COL21A1: variants seen among roughly 807,000 people sequenced by gnomAD.
The protein encoded by COL21A1 is collagen alpha-1(XXI) chain.
COL21A1 carries 149 observed loss-of-function variants against 137.9 expected under a neutral mutation model. The ratio of observed to expected loss-of-function variants is 1.08; its 90% confidence interval spans 0.95 to 1.24. The LOEUF (loss-of-function observed/expected upper bound fraction) is 1.24. COL21A1 is among the 50% of genes most tolerant of loss of function. The pLI is 0.00. For synonymous variants in COL21A1, 456 were observed against 391.5 expected, an observed-to-expected ratio of 1.16 and a Z score of -1.95; for missense variants, 1,167 against 1,158.4, an observed-to-expected ratio of 1.01 and a Z score of -0.11.
At chr6:56,184,889 T>G (rs1205546390) in intron 1 of COL21A1, among the ~76,000 whole-genome samples, 1 of 152,222 alleles carries the variant, frequency 6.6e-6, no homozygotes, top group Non-Finnish European at 1.5e-5. Flanking sequence ...CCACTTATCA[T>G]CTTTCTATTA....
intron 16 of COL21A1, among the ~76,000 whole-genome samples, chr6:56,113,823 G>C (rs1771661109): frequency 1.3e-5 from 2 of 152,124 alleles, no homozygotes; most frequent in African/African-American, 4.8e-5. Context: ...TGGGCCACAG[G>C]GGATCCCACT....
At chr6:56,124,177 G>C (rs1772809871) in intron 15 of COL21A1, 62 bp from the exon 16 acceptor site, 1 of 1,536,336 alleles carries the variant, frequency 6.5e-7, no homozygotes, top group Admixed American at 2.0e-5. Flanking sequence ...TTTAAAGACA[G>C]ATACTATAAG....
At chr6:56,262,997 A>G (rs1763314792) in intron 1 of COL21A1, among the ~76,000 whole-genome samples, 2 of 152,228 alleles carry the variant, frequency 1.3e-5, no homozygotes. Context: ...ATTAAAATAT[A>G]TAATCTTGAA....
In COL21A1 at chr6:56,124,073, G is replaced by A. The variant is rs202115077; in HGVS notation, c.1747C>T (p.Pro583Ser). 5.3e-6 allele frequency: 8 copies of A among 1,517,070 alleles called. No individual in the cohort carries two copies. In the African/African-American group the frequency reaches 8.6e-5, roughly 16 times the overall value. The allele number at this position is 1,517,070 out of a possible 1,614,324, so 94.0% of individuals were successfully genotyped here. A position where few individuals can be genotyped will look rare whatever the true frequency, so the allele number is the denominator to read the frequency against. Residue 583 changes from proline (P) to serine (S), a missense_variant, in exon 16 of 30, where the codon CCC (proline) becomes TCC (serine). Physicochemically the swap from Pro to Ser is moderately conservative, Grantham distance 74. Coordinates refer to ENST00000244728, the MANE Select transcript of COL21A1 (RefSeq NM_030820.4). ...TTTTTTATAAATACCTTGAAACCGG[G>A]ACTACCCATTAATCCATCCTTTCCA... is the stretch of plus-strand genomic sequence containing the variant. ...RHGKDGLMGS[P>S]GFKGEAGSPG... is the part of the protein sequence containing the mutation.
intron 1 of COL21A1, among the ~76,000 whole-genome samples, chr6:56,333,821 G>A (rs1582789344): frequency 1.3e-5 from 2 of 152,104 alleles, no homozygotes; most frequent in Non-Finnish European, 2.9e-5. Flanking sequence ...TAGATGAGTG[G>A]TGGTATCTAC....
chr6:56,118,438 A>C (rs1201333447), intron 16 of COL21A1, among the ~76,000 whole-genome samples: 1 of 152,080 alleles, frequency 6.6e-6, no homozygotes, highest in Non-Finnish European at 1.5e-5. Flanking sequence ...AAACTGTCAT[A>C]AAAAGTCTTC....
intron 1 of COL21A1, among the ~76,000 whole-genome samples, chr6:56,329,894 AG>A (rs1302925359): frequency 1.3e-5 from 2 of 152,148 alleles, no homozygotes; most frequent in South Asian, 4.1e-4. Context: ...CATAACCACA[AG>A]GTTAATTTTC....
intron 1 of COL21A1, among the ~76,000 whole-genome samples, chr6:56,218,350 T>C (rs1230033954): frequency 6.6e-6 from 1 of 151,840 alleles, no homozygotes; most frequent in Non-Finnish European, 1.5e-5. Context: ...GTTAGCCATA[T>C]CATTGTTTTG....
chr6:56,327,603 C>A (rs1422502898), intron 1 of COL21A1, among the ~76,000 whole-genome samples: 1 of 151,922 alleles, frequency 6.6e-6, no homozygotes, highest in Non-Finnish European at 1.5e-5. Flanking sequence ...GGTAGAGGAG[C>A]CCAAGGCAAG....
chr6:56,087,776 C>T (rs986932658), intron 17 of COL21A1, among the ~76,000 whole-genome samples: 1 of 152,180 alleles, frequency 6.6e-6, no homozygotes, highest in African/African-American at 2.4e-5. Flanking sequence ...TAATAAATGT[C>T]CTTTGTGGCA....
rs533591927 is a variant in COL21A1 at position 56,205,329 on chromosome 6, G to A, written c.-38-22673C>T. ...CTGAAAAACACAGGACGAGAACTTC[G>A]TGAAGCATAAACAAGTATCAATAGC... is the stretch of plus-strand genomic sequence containing the variant. On this transcript the variant is annotated intron_variant, in intron 1 of 29. Transcript: ENST00000244728. 8.5e-5 allele frequency among the ~76,000 whole-genome samples: 13 copies of A among 152,188 alleles called. No homozygotes were observed. In the East Asian group the frequency reaches 1.4e-3, roughly 16 times the overall value.
At position 56,069,061 on chromosome 6, in the gene COL21A1, C is replaced by G. The variant is rs1486218302; in HGVS notation, c.2076G>C (p.Gly692=). 6.2e-7 allele frequency: 1 copy of G among 1,600,416 alleles called. No individual in the cohort carries two copies. The highest frequency in any genetic ancestry group is 1.4e-5 in the African/African-American group (1 of 74,040). Residue 692 remains glycine (G), a synonymous_variant, in exon 22 of 30, where the codon GGG becomes GGC. Transcript: ENST00000244728. ...CAATGCATACCTTTTTTCCTTGAATCCCGGGTAAACCCATGTATCCTGGTT... is the reference window on the plus strand; with the variant it reads ...CAATGCATACCTTTTTTCCTTGAATGCCGGGTAAACCCATGTATCCTGGTT... ...PGEPGYMGLP[G]IQGKKGDKGN... is the part of the protein sequence containing the mutation.
chr6:56,252,554 G>A (rs1453783185), upstream of COL21A1, among the ~76,000 whole-genome samples: 1 of 152,130 alleles, frequency 6.6e-6, no homozygotes, highest in Admixed American at 6.5e-5. Flanking sequence ...GCAGAGACCA[G>A]GTATCAGGAA....
At chr6:56,240,728 G>A (rs1782249997) in intron 1 of COL21A1, among the ~76,000 whole-genome samples, 1 of 152,156 alleles carries the variant, frequency 6.6e-6, no homozygotes, top group African/African-American at 2.4e-5. Flanking sequence ...CCTTACTGCA[G>A]GCTTTTCTAA....
intron 1 of COL21A1, among the ~76,000 whole-genome samples, chr6:56,240,355 C>A (rs557370061): frequency 2.6e-5 from 4 of 152,274 alleles, no homozygotes; most frequent in African/African-American, 9.6e-5. Flanking sequence ...ACCCTGGAAG[C>A]AGCCTCCACC....
At chr6:56,102,130 GT>G (rs1437305985) in intron 16 of COL21A1, among the ~76,000 whole-genome samples, 1 of 152,026 alleles carries the variant, frequency 6.6e-6, no homozygotes, top group Non-Finnish European at 1.5e-5. Context: ...TTACATCTAC[GT>G]TTTGGAAGCT....
intron 1 of COL21A1, among the ~76,000 whole-genome samples, chr6:56,259,923 C>G (rs1404825748): frequency 6.6e-6 from 1 of 152,196 alleles, no homozygotes; most frequent in East Asian, 1.9e-4. Flanking sequence ...GCTTTCTATG[C>G]TGTAATATGA....
At chr6:56,060,342 G>A (rs1196451259) in intron 27 of COL21A1, 124 bp from the exon 28 acceptor site, 1 of 791,128 alleles carries the variant, frequency 1.3e-6, no homozygotes, top group African/African-American at 1.8e-5. Context: ...ATATTTCTTG[G>A]CCAATAATTT....
At chr6:56,262,446 A>C (rs1763301304) in intron 1 of COL21A1, among the ~76,000 whole-genome samples, 1 of 152,170 alleles carries the variant, frequency 6.6e-6, no homozygotes, top group South Asian at 2.1e-4. Flanking sequence ...CCTAGAAAAC[A>C]GAGCCTAAGC....
Sources: allele counts gnomAD v4.1 joint callset (sites outside exome capture counted in the v4.1 genomes callset), GRCh38; gene constraint gnomAD v4.1.1; transcripts MANE v1.5; gene names NCBI Gene and HGNC (gene_info 2026-07-23, HGNC 2026-07-21).